DPYD: variants seen among roughly 807,000 people sequenced by gnomAD.
The protein encoded by DPYD is dihydropyrimidine dehydrogenase [NADP(+)].
A neutral mutation model predicts 116.2 loss-of-function variants in DPYD; 109 were observed. The ratio of observed to expected loss-of-function variants is 0.94; its 90% CI spans 0.80 to 1.10. The LOEUF (loss-of-function observed/expected upper bound fraction) is 1.10. DPYD is among the 50% of genes least tolerant of loss of function. The probability of loss-of-function intolerance (pLI) is 0.00; values close to 1 mark genes in which losing one functional copy is unlikely to be tolerated. For synonymous variants in DPYD, 440 were observed against 432.0 expected, an observed-to-expected ratio of 1.02 and a Z score of -0.23; for missense variants, 1,302 against 1,254.5, an observed-to-expected ratio of 1.04 and a Z score of -0.57.
chr1:97,637,896 A>G (rs1304290293), intron 8 of DPYD, among the ~76,000 whole-genome samples: 1 of 152,152 alleles, frequency 6.6e-6, no homozygotes, highest in African/African-American at 2.4e-5. Flanking sequence ...AGATAAACCA[A>G]GACCTTTTGT....
intron 12 of DPYD, among the ~76,000 whole-genome samples, chr1:97,527,626 T>C (rs1251544843): frequency 6.6e-6 from 1 of 152,088 alleles, no homozygotes; most frequent in Non-Finnish European, 1.5e-5. Flanking sequence ...ATTATTAAAT[T>C]ATTACTCTTT....
At chr1:97,258,789 G>A (rs748454891) in intron 18 of DPYD, among the ~76,000 whole-genome samples, 7 of 152,114 alleles carry the variant, frequency 4.6e-5, no homozygotes, top group Non-Finnish European at 8.8e-5. Context: ...TGATGGTGGT[G>A]TTGCATAAGG....
At chr1:97,105,595 A>T (rs1333917922) in intron 20 of DPYD, among the ~76,000 whole-genome samples, 1 of 152,122 alleles carries the variant, frequency 6.6e-6, no homozygotes, top group African/African-American at 2.4e-5. Context: ...ATTCAATGAC[A>T]GCTGGAATTT....
chr1:97,360,111 T>C (rs1415983610), intron 16 of DPYD, among the ~76,000 whole-genome samples: 1 of 151,690 alleles, frequency 6.6e-6, no homozygotes, highest in African/African-American at 2.4e-5. Context: ...TGGAGGAAGA[T>C]CTACCAAGCA....
intron 19 of DPYD, among the ~76,000 whole-genome samples, chr1:97,205,954 A>G (rs1363965494): frequency 6.6e-6 from 1 of 152,070 alleles, no homozygotes; most frequent in Non-Finnish European, 1.5e-5. Flanking sequence ...CCAGCGCTTA[A>G]TGGGAATGGG....
intron 18 of DPYD, among the ~76,000 whole-genome samples, chr1:97,256,890 G>C (rs1162458247): frequency 6.6e-6 from 1 of 152,036 alleles, no homozygotes; most frequent in East Asian, 1.9e-4. Context: ...TAGTCTATCT[G>C]TAATACATAT....
intron 12 of DPYD, among the ~76,000 whole-genome samples, chr1:97,542,199 T>C (rs1410572387): frequency 2.0e-5 from 3 of 152,210 alleles, no homozygotes; most frequent in Non-Finnish European, 4.4e-5. Context: ...TCATTTTTCC[T>C]ATATAATCTC....
At chr1:97,443,060 T>TA (rs1675889483) in intron 14 of DPYD, among the ~76,000 whole-genome samples, 1 of 152,180 alleles carries the variant, frequency 6.6e-6, no homozygotes, top group Admixed American at 6.5e-5. Context: ...GAGAGTGTCA[T>TA]AAAAAGCAAG....
Position 97,835,096 on chromosome 1 carries a change from C to T in DPYD, c.151-6900G>A, listed in dbSNP as rs574294470. On this transcript the variant is annotated intron_variant, in intron 2 of 22. Transcript: ENST00000370192. ...TCACTAATTGTGGCCAGCTTACAAT[C>T]AGGCCCTGTCTAGGAGAATCTTATA... Among the ~76,000 whole-genome samples the T allele has an allele frequency of 3.4e-3, 522 of 152,092 alleles. 2 individuals carry two copies. The highest frequency in any genetic ancestry group is 5.7e-3 in the Non-Finnish European group (387 of 67,880).
At chr1:97,744,490 C>T (rs1009779497) in intron 3 of DPYD, among the ~76,000 whole-genome samples, 1 of 151,808 alleles carries the variant, frequency 6.6e-6, no homozygotes, top group Non-Finnish European at 1.5e-5. Context: ...TATCTGAAAC[C>T]CTTAAAACTC....
intron 13 of DPYD, among the ~76,000 whole-genome samples, chr1:97,487,591 T>A (rs1678719458): frequency 6.6e-6 from 1 of 151,996 alleles, no homozygotes; most frequent in Non-Finnish European, 1.5e-5. Context: ...GAGAATGGCG[T>A]GAACCTGGGA....
Position 97,723,000 on chromosome 1 carries a change from C to T in DPYD, c.322-1329G>A, listed in dbSNP as rs146957199. ...AGAATAAAAGACTTTTAAAAATAAC[C>T]TTGACGAAAATTCAGGAAAAGAAAA... On this transcript the variant is annotated intron_variant, in intron 4 of 22. Coordinates refer to ENST00000370192, the MANE Select transcript of DPYD (RefSeq NM_000110.4). Among the ~76,000 whole-genome samples, 1,118 of 151,298 alleles carry T rather than the reference C, an allele frequency of 7.4e-3. 8 individuals carry two copies. The highest frequency in any genetic ancestry group is 0.012 in the Non-Finnish European group (842 of 67,562).
chr1:97,788,069 A>G (rs1236808590), intron 3 of DPYD, among the ~76,000 whole-genome samples: 2 of 152,174 alleles, frequency 1.3e-5, no homozygotes, highest in Non-Finnish European at 2.9e-5. Flanking sequence ...TATGTCCGTG[A>G]TATTTATCCC....
chr1:97,469,950 T>A lies in DPYD; in HGVS notation c.1741-19727A>T, dbSNP rs147516746. 2.1e-3 allele frequency among the ~76,000 whole-genome samples: 323 copies of A among 152,286 alleles called. 4 individuals are homozygous for A. The highest frequency in any genetic ancestry group is 7.0e-3 in the African/African-American group (290 of 41,566). Reference sequence around the variant, plus strand: ...TAATATATAAAAGCCCTCAGCCAGGTCATTTTCATCGTTCTTGCAAATAAC... The same window carrying A: ...TAATATATAAAAGCCCTCAGCCAGGACATTTTCATCGTTCTTGCAAATAAC... On this transcript the variant is annotated intron_variant, in intron 13 of 22. Transcript: ENST00000370192.
chr1:97,854,256 T>C (rs559204220), intron 2 of DPYD, among the ~76,000 whole-genome samples: 1 of 152,362 alleles, frequency 6.6e-6, no homozygotes, highest in South Asian at 2.1e-4. Context: ...AAGGAATTCA[T>C]GAAAATATCT....
At chr1:97,896,710 T>C (rs2101673880) in intron 1 of DPYD, among the ~76,000 whole-genome samples, 1 of 152,000 alleles carries the variant, frequency 6.6e-6, no homozygotes. Flanking sequence ...ACTTCCAGTT[T>C]TCCCCAAACC....
At chr1:97,816,825 T>C (rs976297399) in intron 3 of DPYD, among the ~76,000 whole-genome samples, 11 of 152,190 alleles carry the variant, frequency 7.2e-5, no homozygotes, top group African/African-American at 1.4e-4. Flanking sequence ...ATGTGACTTA[T>C]TCAATTTCAA....
chr1:97,322,574 T>C (rs994656688), intron 16 of DPYD: 1 of 152,024 alleles, frequency 6.6e-6, no homozygotes, highest in Non-Finnish European at 1.5e-5. Context: ...CTGGATTTTA[T>C]CTAAAATCTT....
intron 20 of DPYD, among the ~76,000 whole-genome samples, chr1:97,186,301 T>C (rs960360132): frequency 6.6e-6 from 1 of 152,192 alleles, no homozygotes; most frequent in African/African-American, 2.4e-5. Flanking sequence ...ATATATTGCA[T>C]AGTGGTGAAG....
Sources: gnomAD v4.1 joint callset for allele counts (sites outside exome capture counted in the v4.1 genomes callset) on GRCh38, gnomAD v4.1.1 for gene constraint, MANE v1.5 for transcripts, NCBI Gene and HGNC (gene_info 2026-07-23, HGNC 2026-07-21) for gene names.